The following HECTD4 variants were observed in gnomAD, a reference collection of about 807,000 sequenced individuals.
HECTD4 encodes the protein HECT domain E3 ubiquitin protein ligase 4.
A neutral mutation model predicts 471.5 loss-of-function variants in HECTD4; 114 were observed. The ratio of observed to expected loss-of-function variants is 0.24; its 90% CI spans 0.21 to 0.28. The LOEUF is 0.28. HECTD4 is among the 10% of genes least tolerant of loss of function. The pLI is 1.00. For synonymous variants in HECTD4, 2,012 were observed against 2,256.0 expected (o/e 0.89, Z 3.07); for missense variants, 3,866 against 5,651.5 (o/e 0.68, Z 10.13).
At chr12:112,205,707 C>A (rs2032557953) in intron 52 of HECTD4, among the ~76,000 whole-genome samples, 1 of 151,734 alleles carries the variant, frequency 6.6e-6, no homozygotes, top group Non-Finnish European at 1.5e-5. Context: ...TCTCATGCTT[C>A]AGCCTCTCAA....
chr12:112,219,445 T>A lies in HECTD4; in HGVS notation c.7015A>T (p.Met2339Leu). The change falls in exon 45 of 76, where the codon ATG (methionine) becomes TTG (leucine). Residue 2339 changes from methionine to leucine, a missense_variant. This residue lies in a region of HECTD4 where 617 missense variants were observed against 915.1 expected (regional missense o/e 0.67). Coordinates refer to ENST00000682272, the MANE Select transcript of HECTD4 (RefSeq NM_001388303.1). ...VVEVQCERLR[M>L]LYRDCARPPP... ...GGCCGAGCACAGTCCCGGTAGAGCA[T>A]CCTCAGCCGTTCACACTGTACCTCC... 1 of 1,613,850 alleles carries A rather than the reference T, an allele frequency of 6.2e-7. No individual in the cohort carries two copies. The highest frequency in any genetic ancestry group is 8.5e-7 in the Non-Finnish European group (1 of 1,179,834).
rs531312195 is a variant in HECTD4, at chr12:112,194,296, C to T, written c.8749+589G>A. On this transcript the variant is annotated intron_variant, in intron 56 of 75. Coordinates refer to ENST00000682272, the MANE Select transcript of HECTD4 (RefSeq NM_001388303.1). This position sits in a 1 kb window ranked among gnomAD's most constrained non-coding sequence, Gnocchi z 4.6. ...TGCAAGTGAGCTTTGAGGGGTGTCC[C>T]CTGCCTGCCTCACTTCTTGTTCCCA... Among the ~76,000 whole-genome samples the T allele has an allele frequency of 1.3e-3, 195 of 152,326 alleles. No individual in the cohort carries two copies. Among genetic ancestry groups the T allele is most frequent in the African/African-American group, 4.3e-3 (177 of 41,564 alleles).
At chr12:112,224,268 CTTTT>C (rs1275351500) in intron 44 of HECTD4, among the ~76,000 whole-genome samples, 1 of 140,348 alleles carries the variant, frequency 7.1e-6, no homozygotes, top group African/African-American at 2.6e-5. Flanking sequence ...ATTAAGGATT[CTTTT>C]TTTTTTTTTT....
intron 44 of HECTD4, among the ~76,000 whole-genome samples, chr12:112,226,161 G>C (rs1028720167): frequency 2.0e-5 from 3 of 151,990 alleles, no homozygotes. Flanking sequence ...CATTATACTA[G>C]TCTCTCAATT....
At chr12:112,269,577 A>G (rs2034370802) in intron 13 of HECTD4, 127 bp downstream of exon 13, 1 of 1,001,854 alleles carries the variant, frequency 1.0e-6, no homozygotes, top group Non-Finnish European at 1.4e-6. Flanking sequence ...AATTATCCCC[A>G]ATCCATGAGG....
intron 37 of HECTD4, 56 bp from the exon 38 acceptor site, chr12:112,233,141 G>T: frequency 1.4e-6 from 2 of 1,444,506 alleles, no homozygotes; most frequent in East Asian, 2.4e-5. Flanking sequence ...CCAAAAGTGG[G>T]CTGCATGCCA....
rs773709343 is a variant in HECTD4 at position 112,172,793 on chromosome 12, G to A, written c.11663C>T (p.Ala3888Val). 1.2e-6 allele frequency: 2 copies of A among 1,614,004 alleles called. No homozygotes were observed. The highest frequency in any genetic ancestry group is 1.7e-6 in the Non-Finnish European group (2 of 1,179,878). ...TAGCTGGTTGATGTACTGCACAAGT[G>A]CCACGTCCATCTCCAGGGTCCACTT... The part of the protein sequence containing the change: ...SRKWTLEMDV[A>V]LVQYINQLCR... Residue 3888 changes from alanine (A) to valine (V), a missense_variant, in exon 67 of 76, where the codon GCA (alanine) becomes GTA (valine). Coordinates refer to ENST00000682272, the MANE Select transcript of HECTD4 (RefSeq NM_001388303.1).
Position 112,162,489 on chromosome 12 carries a change from G to A in HECTD4, c.13155C>T (p.Thr4385=), listed in dbSNP as rs1393850747. Residue 4385 remains threonine (T), a synonymous_variant, in exon 76 of 76, where the codon ACC becomes ACT. Transcript: ENST00000682272. This position sits in a 1 kb window ranked among gnomAD's most constrained non-coding sequence, Gnocchi z 5.2. Reference sequence around the variant, plus strand: ...GGGGAAGCTTGATCATGAACATGCAGGTCTCCACGCGGATGTAGCGAGAGT... The same window carrying A: ...GGGGAAGCTTGATCATGAACATGCAAGTCTCCACGCGGATGTAGCGAGAGT... The part of the protein sequence containing the change: ...SPDSRYIRVE[T]CMFMIKLPQY... 6.2e-7 allele frequency: 1 copy of A among 1,614,008 alleles called. No homozygotes were observed. The highest frequency in any genetic ancestry group is 1.3e-5 in the African/African-American group (1 of 75,054).
chr12:112,210,907 T>C (rs2032743368), intron 49 of HECTD4, among the ~76,000 whole-genome samples: 1 of 152,236 alleles, frequency 6.6e-6, no homozygotes, highest in South Asian at 2.1e-4. Context: ...TCAATAAATA[T>C]TTGTTGAATG....
intron 7 of HECTD4, among the ~76,000 whole-genome samples, chr12:112,303,870 A>G (rs1259043269): frequency 6.6e-6 from 1 of 152,006 alleles, no homozygotes; most frequent in Non-Finnish European, 1.5e-5. Context: ...AATAAAAAAA[A>G]AAAAGAAAAA....
intron 68 of HECTD4, 26 bp downstream of exon 68, chr12:112,171,091 G>A (rs778467364): frequency 1.5e-5 from 24 of 1,587,358 alleles, no homozygotes; most frequent in Non-Finnish European, 2.0e-5. Flanking sequence ...TCTTCCTGCA[G>A]GGCCAGGGCA....
intron 1 of HECTD4, among the ~76,000 whole-genome samples, chr12:112,338,623 AAAAGAAAGAAAG>A (rs549731509): frequency 6.6e-6 from 1 of 152,116 alleles, no homozygotes; most frequent in Non-Finnish European, 1.5e-5. Context: ...CTATCTCAAA[AAAAGAAAGAAAG>A]AAAGAAAGAA....
chr12:112,255,185 C>T (rs895995884), intron 21 of HECTD4, among the ~76,000 whole-genome samples: 1 of 152,162 alleles, frequency 6.6e-6, no homozygotes, highest in African/African-American at 2.4e-5. Flanking sequence ...AGAAACAAAA[C>T]GACACCAACT....
intron 54 of HECTD4, chr12:112,203,281 A>G: frequency 5.8e-6 from 1 of 170,984 alleles, no homozygotes; most frequent in East Asian, 1.7e-4. Context: ...CATGGCAATG[A>G]CAGATCATCC....
chr12:112,261,352 C>A lies in HECTD4; in HGVS notation c.2826G>T (p.Gln942His). Residue 942 changes from glutamine (Q) to histidine (H), a missense_variant, in exon 18 of 76, where the codon CAG becomes CAT. Physicochemically the swap from Gln to His is conservative, Grantham distance 24. Around this residue, in one of 16 missense-constraint regions of HECTD4, gnomAD observed 525 missense variants for 672.6 expected, o/e 0.78. Transcript: ENST00000682272. ...GCDEVLEMLQ[Q>H]VTTALINSDI... is the part of the protein sequence containing the mutation. ...CACTATTTATGAGGGCAGTTGTGACCTGCTGTAGCATTTCCAACACTTCAT... is the reference window on the plus strand; with the variant it reads ...CACTATTTATGAGGGCAGTTGTGACATGCTGTAGCATTTCCAACACTTCAT... 6.2e-7 allele frequency: 1 copy of A among 1,611,566 alleles called. No homozygotes were observed. The highest frequency in any genetic ancestry group is 8.5e-7 in the Non-Finnish European group (1 of 1,177,840).
intron 44 of HECTD4, among the ~76,000 whole-genome samples, chr12:112,222,665 T>C (rs558617780): frequency 6.6e-6 from 1 of 152,170 alleles, no homozygotes; most frequent in East Asian, 1.9e-4. Flanking sequence ...AGACTCTGTC[T>C]TTTAAAAACA....
Position 112,319,463 on chromosome 12 carries a change from G to A in HECTD4, c.457C>T (p.Leu153Phe), listed in dbSNP as rs1389437058. Residue 153 changes from leucine (L) to phenylalanine (F), a missense_variant, in exon 2 of 76, where the codon CTT becomes TTT. Physicochemically the swap from Leu to Phe is conservative, Grantham distance 22. Transcript: ENST00000682272. This position sits in a 1 kb window ranked among gnomAD's most constrained non-coding sequence, Gnocchi z 5.3. ...TCTGTTCTACTCTGGGACTGAATAA[G>A]GGGGAAGACCAGCAGGAGCCCCATC... ...SRMGLLLVFP[L>F]IQSQSRTDPS... 1 of 1,526,694 alleles carries A rather than the reference G, an allele frequency of 6.6e-7. No homozygotes were observed. 94.6% of individuals were successfully genotyped at this position (1,526,694 alleles called of 1,614,324 possible).
At chr12:112,227,102 G>C (rs1482933583) in intron 43 of HECTD4, among the ~76,000 whole-genome samples, 1 of 152,182 alleles carries the variant, frequency 6.6e-6, no homozygotes, top group South Asian at 2.1e-4. Context: ...GATTCAAAAA[G>C]TGGGAAAATC....
chr12:112,314,064 A>C (rs992733136), intron 3 of HECTD4, among the ~76,000 whole-genome samples: 1 of 152,018 alleles, frequency 6.6e-6, no homozygotes, highest in African/African-American at 2.4e-5. Flanking sequence ...TTTGAAACAG[A>C]GTCTCGCCCT....
Sources: gnomAD v4.1 joint callset for allele counts (sites outside exome capture counted in the v4.1 genomes callset) on GRCh38, gnomAD v4.1.1 for gene constraint, gnomAD v4.1.1 regional missense constraint, Gnocchi (gnomAD v3.1) non-coding constraint, MANE v1.5 for transcripts, NCBI Gene and HGNC (gene_info 2026-07-23, HGNC 2026-07-21) for gene names.